EML4: variants seen among roughly 807,000 people sequenced by gnomAD.
EML4 encodes EMAP like 4.
EML4 carries 72 observed loss-of-function variants against 129.0 expected under a neutral mutation model. The observed-to-expected ratio is 0.56, with a 90% confidence interval of 0.46 to 0.68. EML4 has a LOEUF of 0.68. EML4 is among the 30% of genes least tolerant of loss of function. The pLI is 0.00. For synonymous variants in EML4, 532 were observed against 405.0 expected, an observed-to-expected ratio of 1.31 and a Z score of -3.77; for missense variants, 1,363 against 1,190.6, an observed-to-expected ratio of 1.14 and a Z score of -2.13.
At position 42,238,239 on chromosome 2, in the gene EML4, T is replaced by C. The variant is rs183095720; in HGVS notation, c.26-7266T>C. 3.3e-5 allele frequency among the ~76,000 whole-genome samples: 5 copies of C among 152,294 alleles called. No homozygotes were observed. The East Asian group carries it at 5.8e-4, about 18-fold the overall frequency. Reference sequence around the variant, plus strand: ...CTGAAACACTTCTGGTACCAAGCAATTCAGATAAGGGATACTCAACCTGTA... The same window carrying C: ...CTGAAACACTTCTGGTACCAAGCAACTCAGATAAGGGATACTCAACCTGTA... On this transcript the variant is annotated intron_variant, in intron 1 of 22. Coordinates refer to ENST00000318522, the MANE Select transcript of EML4 (RefSeq NM_019063.5).
At position 42,326,145 on chromosome 2, in the gene EML4, A is replaced by C; in HGVS notation, c.2243-9A>C. 6.2e-7 allele frequency: 1 copy of C among 1,611,606 alleles called. No individual in the cohort carries two copies. Among genetic ancestry groups the C allele is most frequent in the Non-Finnish European group, 8.5e-7 (1 of 1,179,204 alleles). On this transcript the variant is annotated splice_polypyrimidine_tract_variant and intron_variant, in intron 20 of 22. Coordinates refer to ENST00000318522, the MANE Select transcript of EML4 (RefSeq NM_019063.5). ...ACTATGATTATACTTCCTGTTTCTAAATTTAAAGGGGACATTCCAAATGGC... is the reference window on the plus strand; with the variant it reads ...ACTATGATTATACTTCCTGTTTCTACATTTAAAGGGGACATTCCAAATGGC...
At chr2:42,271,322 T>C (rs1666352124) in intron 6 of EML4, among the ~76,000 whole-genome samples, 1 of 152,256 alleles carries the variant, frequency 6.6e-6, no homozygotes, top group South Asian at 2.1e-4. Context: ...GAGAAGGCAC[T>C]GCCAAGGACA....
intron 1 of EML4, among the ~76,000 whole-genome samples, chr2:42,215,776 T>G (rs1045010005): frequency 2.0e-5 from 3 of 152,196 alleles, no homozygotes; most frequent in African/African-American, 7.2e-5. Context: ...TTGCTATACC[T>G]TCTCCCTTTG....
At chr2:42,184,823 C>T (rs1274393317) in intron 1 of EML4, among the ~76,000 whole-genome samples, 6 of 152,006 alleles carry the variant, frequency 3.9e-5, no homozygotes, top group Non-Finnish European at 8.8e-5. Context: ...TTAAGTATTT[C>T]ATGTTTATCT....
intron 13 of EML4, 22 bp downstream of exon 13, chr2:42,295,538 C>A: frequency 6.2e-7 from 1 of 1,602,238 alleles, no homozygotes; most frequent in Non-Finnish European, 8.5e-7. Flanking sequence ...TTATATTAAA[C>A]TCATTTCTGG....
At chr2:42,287,427 C>A (rs535100021) in intron 10 of EML4, among the ~76,000 whole-genome samples, 1 of 152,142 alleles carries the variant, frequency 6.6e-6, no homozygotes, top group Non-Finnish European at 1.5e-5. Flanking sequence ...TGAATTGCCT[C>A]ATAACTCTAT....
intron 1 of EML4, among the ~76,000 whole-genome samples, chr2:42,235,247 G>A (rs955650860): frequency 1.3e-5 from 2 of 151,122 alleles, no homozygotes; most frequent in Non-Finnish European, 2.9e-5. Flanking sequence ...AGTGAGCCGA[G>A]ATCGCACCAC....
intron 1 of EML4, among the ~76,000 whole-genome samples, chr2:42,214,053 C>T (rs1673033774): frequency 6.6e-6 from 1 of 151,988 alleles, no homozygotes; most frequent in Non-Finnish European, 1.5e-5. Context: ...GTTTTGTGAT[C>T]CCCCAATTTT....
Position 42,263,174 on chromosome 2 carries a change from C to G in EML4, c.513-4C>G. On this transcript the variant is annotated splice_region_variant and splice_polypyrimidine_tract_variant and intron_variant, in intron 4 of 22. Coordinates refer to ENST00000318522, the MANE Select transcript of EML4 (RefSeq NM_019063.5). Reference sequence around the variant, plus strand: ...TTTCTCTAAGAAATTAATGTTCCTTCTAGCATAAAACGACCATCACCAGCT... The same window carrying G: ...TTTCTCTAAGAAATTAATGTTCCTTGTAGCATAAAACGACCATCACCAGCT... The G allele has an allele frequency of 6.2e-7, 1 of 1,608,040 alleles. No individual in the cohort carries two copies. The highest frequency in any genetic ancestry group is 8.5e-7 in the Non-Finnish European group (1 of 1,177,826).
intron 1 of EML4, among the ~76,000 whole-genome samples, chr2:42,192,992 C>G (rs2103912699): frequency 6.6e-6 from 1 of 152,284 alleles, no homozygotes; most frequent in Non-Finnish European, 1.5e-5. Context: ...GTGGTGGAAA[C>G]TGACATGTTT....
chr2:42,287,472 A>G (rs961666191), intron 10 of EML4, among the ~76,000 whole-genome samples: 1 of 152,178 alleles, frequency 6.6e-6, no homozygotes, highest in East Asian at 1.9e-4. Context: ...AATTTAGGCT[A>G]AGAGATAAAG....
At chr2:42,328,795 A>G (rs1297609258) in intron 21 of EML4, 91 bp from the exon 22 acceptor site, 2 of 1,077,610 alleles carry the variant, frequency 1.9e-6, no homozygotes, top group Middle Eastern at 3.2e-4. Context: ...GATAAAAGCT[A>G]AACAGATTCT....
At chr2:42,299,208 G>A (rs1668133869) in intron 13 of EML4, among the ~76,000 whole-genome samples, 2 of 152,098 alleles carry the variant, frequency 1.3e-5, no homozygotes, top group Non-Finnish European at 2.9e-5. Flanking sequence ...GCCCTTTCCT[G>A]TCTCCCTGCC....
At chr2:42,294,199 C>T (rs193027112) in intron 11 of EML4, among the ~76,000 whole-genome samples, 19 of 152,302 alleles carry the variant, frequency 1.2e-4, no homozygotes, top group African/African-American at 4.6e-4. Context: ...TCTTGAGTCT[C>T]ATGCTTGTAT....
At chr2:42,180,066 A>G (rs1319284265) in intron 1 of EML4, among the ~76,000 whole-genome samples, 1 of 152,242 alleles carries the variant, frequency 6.6e-6, no homozygotes, top group East Asian at 1.9e-4. Flanking sequence ...TTGTTCTTAC[A>G]GCTTTTCTGT....
At chr2:42,326,501 G>A (rs889388440) in intron 21 of EML4, among the ~76,000 whole-genome samples, 8 of 152,122 alleles carry the variant, frequency 5.3e-5, no homozygotes, top group Middle Eastern at 3.2e-3. Context: ...TTACCTTCCC[G>A]TTTTTCTTTA....
intron 17 of EML4, among the ~76,000 whole-genome samples, chr2:42,309,928 A>G (rs1301565997): frequency 1.3e-5 from 2 of 152,222 alleles, no homozygotes; most frequent in African/African-American, 4.8e-5. Flanking sequence ...ATAAATATTT[A>G]CTTCTATGTT....
intron 6 of EML4, among the ~76,000 whole-genome samples, chr2:42,275,802 C>A (rs752828306): frequency 1.5e-4 from 23 of 152,258 alleles, no homozygotes; most frequent in Admixed American, 7.2e-4. Context: ...AAGTTAGCAT[C>A]AGCTTCATTA....
At chr2:42,278,044 A>G (rs1484957700) in intron 6 of EML4, among the ~76,000 whole-genome samples, 2 of 152,212 alleles carry the variant, frequency 1.3e-5, no homozygotes, top group Admixed American at 1.3e-4. Context: ...CTGGTTGATG[A>G]TCACATTTTC....
Sources: allele counts gnomAD v4.1 joint callset (sites outside exome capture counted in the v4.1 genomes callset), GRCh38; gene constraint gnomAD v4.1.1; transcripts MANE v1.5; gene names NCBI Gene and HGNC (gene_info 2026-07-23, HGNC 2026-07-21).